The following CTU2 variants were observed in gnomAD, a reference collection of about 807,000 sequenced individuals.
CTU2 encodes cytosolic thiouridylase subunit 2.
In CTU2, 80 loss-of-function variants were observed where a neutral mutation model predicts 64.1. The ratio of observed to expected loss-of-function variants is 1.25; its 90% CI spans 1.04 to 1.50. The LOEUF (loss-of-function observed/expected upper bound fraction) is 1.50, where lower values mean the gene tolerates loss of function less well. Ranked by LOEUF, CTU2 falls within the 40% of genes most tolerant of loss-of-function variation. CTU2 has a pLI of 0.00. For synonymous variants in CTU2, 482 were observed against 285.3 expected (o/e 1.69, Z -6.95); for missense variants, 1,110 against 690.2 (o/e 1.61, Z -6.81).
Position 88,706,527 on chromosome 16 carries a change from G to C in CTU2, c.-4G>C. On this transcript the variant is annotated 5_prime_UTR_variant, in exon 1 of 15. Transcript: ENST00000453996. ...CACAGTCTGCGACGGGACCCGGCGT[G>C]CCCATGTGTCAGGTGGGCGAGGACT... The C allele has an allele frequency of 6.9e-7, 1 of 1,449,108 alleles. No homozygotes were observed. Among genetic ancestry groups the C allele is most frequent in the Non-Finnish European group, 9.0e-7 (1 of 1,107,810 alleles). 89.8% of individuals were successfully genotyped at this position (1,449,108 alleles called of 1,614,324 possible). A position where few individuals can be genotyped will look rare whatever the true frequency, so the allele number is the denominator to read the frequency against.
In CTU2 at chr16:88,712,702, G is replaced by A. The variant is rs1473254729; in HGVS notation, c.534G>A (p.Val178=). The change falls in exon 7 of 15, where the codon GTG becomes GTA. Residue 178 remains valine, a synonymous_variant. Coordinates refer to ENST00000453996, the MANE Select transcript of CTU2 (RefSeq NM_001012759.3). ...CCGAGGGGGCCTACAAGGCGGCCGT[G>A]GACAGCTTCCTCCAGCAGCAGCATG... ...VGSEGAYKAA[V]DSFLQQQHVL... 4 of 1,610,268 alleles carry A rather than the reference G, an allele frequency of 2.5e-6. No homozygotes were observed. Among genetic ancestry groups the A allele is most frequent in the Non-Finnish European group, 3.4e-6 (4 of 1,179,392 alleles).
chr16:88,715,228 G>C lies in CTU2; in HGVS notation c.1525G>C (p.Asp509His), dbSNP rs772250545. 6.2e-7 allele frequency: 1 copy of C among 1,612,254 alleles called. No individual in the cohort carries two copies. Among genetic ancestry groups the C allele is most frequent in the Middle Eastern group, 1.7e-4 (1 of 6,060 alleles). The change falls in exon 15 of 15, where the codon GAC becomes CAC. Residue 509 changes from aspartate (D) to histidine (H), a missense_variant. Coordinates refer to ENST00000453996, the MANE Select transcript of CTU2 (RefSeq NM_001012759.3). ...EIRDCLIEDS[D>H]DEAGQS is the part of the protein sequence containing the mutation. ...CCGGGACTGTCTGATTGAGGACAGT[G>C]ACGACGAGGCGGGCCAGAGCTGAGC...
chr16:88,715,126 C>T lies in CTU2; in HGVS notation c.1478+20C>T, dbSNP rs61737996. ...ACAGAGGTACTGGGGCCCACACTGC[C>T]GTGGCGCGTGGGTAAGGGGCCTCGG... is the stretch of plus-strand genomic sequence containing the variant. On this transcript the variant is annotated intron_variant, in intron 14 of 14. Transcript: ENST00000453996. 151,906 of 1,601,362 alleles carry T rather than the reference C, an allele frequency of 0.095. 8,205 individuals are homozygous for T. The highest frequency in any genetic ancestry group is 0.12 in the Middle Eastern group (715 of 5,996).
chr16:88,714,976 C>A (rs199548828), intron 13 of CTU2, 50 bp downstream of exon 13: 2 of 1,603,790 alleles, frequency 1.2e-6, no homozygotes, highest in Non-Finnish European at 1.7e-6. Context: ...CGCGGGAAGG[C>A]CGTCACCTCG....
At chr16:88,708,195 G>A (rs1021237761) in intron 2 of CTU2, among the ~76,000 whole-genome samples, 7 of 152,236 alleles carry the variant, frequency 4.6e-5, no homozygotes, top group African/African-American at 1.4e-4. Flanking sequence ...ACTGAGGAGA[G>A]GCTGCTGTGG....
At chr16:88,709,782 CCGCCCCT>C in intron 2 of CTU2, 149 bp from the exon 3 acceptor site, 1 of 700,308 alleles carries the variant, frequency 1.4e-6, no homozygotes, top group Non-Finnish European at 2.5e-6. Flanking sequence ...GGGGCCAACC[CCGCCCCT>C]TTCACCAGTC....
chr16:88,712,127 G>C (rs995579573), intron 5 of CTU2, 147 bp from the exon 6 acceptor site: 1 of 755,638 alleles, frequency 1.3e-6, no homozygotes, highest in Non-Finnish European at 2.3e-6. Flanking sequence ...CTGCCCAAAG[G>C]AAAATGGCCG....
At chr16:88,711,717 C>T (rs1431565653) in intron 5 of CTU2, 22 bp downstream of exon 5, 1 of 1,602,360 alleles carries the variant, frequency 6.2e-7, no homozygotes, top group Non-Finnish European at 8.5e-7. Flanking sequence ...CATTGCTCCT[C>T]CTAGTCCCTG....
intron 7 of CTU2, 45 bp from the exon 8 acceptor site, chr16:88,713,267 C>T (rs1911505576): frequency 1.3e-6 from 2 of 1,528,164 alleles, no homozygotes; most frequent in Non-Finnish European, 1.8e-6. Context: ...CCCCCCTTCC[C>T]CGGGTCCTGC....
chr16:88,706,985 A>G, intron 1 of CTU2, 151 bp from the exon 2 acceptor site: 1 of 731,308 alleles, frequency 1.4e-6, no homozygotes, highest in South Asian at 1.8e-5. Context: ...TGAAGTTTGG[A>G]CAGAACACAA....
chr16:88,707,866 G>C (rs1336931841), intron 2 of CTU2, among the ~76,000 whole-genome samples: 2 of 151,896 alleles, frequency 1.3e-5, no homozygotes, highest in African/African-American at 4.8e-5. Flanking sequence ...GCAACAGCTG[G>C]AGTGCATGAT....
chr16:88,709,320 G>C (rs1045282420), intron 2 of CTU2: 2 of 152,340 alleles, frequency 1.3e-5, no homozygotes, highest in African/African-American at 4.8e-5. Flanking sequence ...TTCTGATTCT[G>C]TGGGGTTAGG....
chr16:88,712,307 G>T lies in CTU2; in HGVS notation c.377G>T (p.Arg126Ile), dbSNP rs777379637. 1.9e-6 allele frequency: 3 copies of T among 1,608,752 alleles called. No individual in the cohort carries two copies. Among genetic ancestry groups the T allele is most frequent in the Non-Finnish European group, 2.5e-6 (3 of 1,177,692 alleles). The part of the protein sequence containing the change: ...GAACGQSLEE[R>I]SKTLAEVKPI... The stretch of plus-strand genomic sequence containing the variant: ...GCCTGTGGCCAGAGCCTAGAGGAGA[G>T]ATCAAAGACCCTGGCCGAAGTGAAG... The change falls in exon 6 of 15, where the codon AGA becomes ATA. Residue 126 changes from arginine to isoleucine, a missense_variant. By Grantham distance (97) the Arg-to-Ile change is moderately conservative. Transcript: ENST00000453996.
chr16:88,713,802 C>A, intron 9 of CTU2, 24 bp downstream of exon 9: 1 of 1,610,980 alleles, frequency 6.2e-7, no homozygotes, highest in Non-Finnish European at 8.5e-7. Context: ...GCTGGGCAAC[C>A]TCTCTCACCA....
rs1180422728 is a variant in CTU2, at chr16:88,715,107, G to A, written c.1478+1G>A. On this transcript the variant is annotated splice_donor_variant, in intron 14 of 14. Coordinates refer to ENST00000453996, the MANE Select transcript of CTU2 (RefSeq NM_001012759.3). LOFTEE classifies it high-confidence loss of function. ...CTGAGGCCCAGCTCCGCACACAGAG[G>A]TACTGGGGCCCACACTGCCGTGGCG... 19 of 1,592,138 alleles carry A rather than the reference G, an allele frequency of 1.2e-5. No individual in the cohort carries two copies. Among genetic ancestry groups the A allele is most frequent in the Non-Finnish European group, 1.6e-5 (19 of 1,169,362 alleles).
Position 88,711,665 on chromosome 16 carries a change from C to A in CTU2, c.313C>A (p.Arg105Ser), listed in dbSNP as rs200593779. The change falls in exon 5 of 15, where the codon CGC (arginine) becomes AGC (serine). Residue 105 changes from arginine to serine, a missense_variant. Arg to Ser is a moderately radical substitution (Grantham distance 110). Transcript: ENST00000453996. ...GAGCCAAGATTCTGCCAAAAGACTG[C>A]GCTTTGTGGCAGGAGTCATCTTTGT... is the stretch of plus-strand genomic sequence containing the variant. ...GLSQDSAKRL[R>S]FVAGVIFVDE... is the part of the protein sequence containing the mutation. The A allele has an allele frequency of 6.2e-7, 1 of 1,608,174 alleles. No homozygotes were observed. Among genetic ancestry groups the A allele is most frequent in the Non-Finnish European group, 8.5e-7 (1 of 1,176,418 alleles).
At chr16:88,714,098 C>T (rs1331791222) in intron 9 of CTU2, 38 bp from the exon 10 acceptor site, 1 of 1,599,008 alleles carries the variant, frequency 6.3e-7, no homozygotes, top group Non-Finnish European at 8.6e-7. Flanking sequence ...GGGCTGGCCT[C>T]TGGGCTTTCC....
Position 88,715,254 on chromosome 16 carries a change from G to GT in CTU2, c.*4dup. On this transcript the variant is annotated 3_prime_UTR_variant, in exon 15 of 15. Transcript: ENST00000453996. Reference sequence around the variant, plus strand: ...ACGACGAGGCGGGCCAGAGCTGAGCGTGAGGACGTGCTTGCCGGGACAGCA... The same window carrying GT: ...ACGACGAGGCGGGCCAGAGCTGAGCGTTGAGGACGTGCTTGCCGGGACAGCA... 1 of 1,611,000 alleles carries GT rather than the reference G, an allele frequency of 6.2e-7. No individual in the cohort carries two copies. Among genetic ancestry groups the GT allele is most frequent in the South Asian group, 1.1e-5 (1 of 91,056 alleles).
At position 88,707,162 on chromosome 16, in the gene CTU2, A is replaced by C. The variant is rs776660681; in HGVS notation, c.95A>C (p.Lys32Thr). The change falls in exon 2 of 15, where the codon AAG (lysine) becomes ACG (threonine). Residue 32 changes from lysine to threonine, a missense_variant. Transcript: ENST00000453996. ...CGTGAGCAGAAGTGTGTGAAGTGCA[A>C]GGAAGCGCAGCCCGTTGTGGTGATA... ...PSREQKCVKC[K>T]EAQPVVVIRA... The C allele has an allele frequency of 1.2e-6, 2 of 1,613,944 alleles. No homozygotes were observed. Among genetic ancestry groups the C allele is most frequent in the South Asian group, 2.2e-5 (2 of 91,086 alleles).
Sources: allele counts gnomAD v4.1 joint callset (sites outside exome capture counted in the v4.1 genomes callset), GRCh38; gene constraint gnomAD v4.1.1; transcripts MANE v1.5; gene names NCBI Gene and HGNC (gene_info 2026-07-23, HGNC 2026-07-21).